ABCB4: variants seen among roughly 807,000 people sequenced by gnomAD.
ABCB4 encodes phosphatidylcholine translocator ABCB4.
In ABCB4, 76 loss-of-function variants were observed where a neutral mutation model predicts 145.7. The ratio of observed to expected loss-of-function variants is 0.52; its 90% CI spans 0.43 to 0.63. The LOEUF is 0.63. Among genes scored for constraint, ABCB4 ranks in the 30% least tolerant of loss-of-function variants. The pLI, the probability that ABCB4 is intolerant of heterozygous loss-of-function variation, is 0.00. For missense variants in ABCB4, 1,234 were observed against 1,553.1 expected (o/e 0.79, Z 3.45); for synonymous variants, 517 against 566.8 (o/e 0.91, Z 1.25).
chr7:87,401,247 G>T (rs879314859), downstream of ABCB4, among the ~76,000 whole-genome samples: 40 of 152,168 alleles, frequency 2.6e-4, no homozygotes, highest in Admixed American at 2.5e-3. Context: ...CTGATAGAGC[G>T]CTAAGAACTA....
rs1182767421 is a variant in ABCB4 at position 87,440,361 on chromosome 7, G to A, written c.1398C>T (p.Asn466=). ...CCACACCAATGATTTCCCTCAGATA[G>A]TTTACATTAAAGTTCCTAATATCCT... ...DGQDIRNFNV[N]YLREIIGVVS... Residue 466 remains asparagine, a synonymous_variant, in exon 13 of 28, where the codon AAC becomes AAT. Coordinates refer to ENST00000649586, the MANE Select transcript of ABCB4 (RefSeq NM_000443.4). 1 of 1,614,096 alleles carries A rather than the reference G, an allele frequency of 6.2e-7. No individual in the cohort carries two copies. Among genetic ancestry groups the A allele is most frequent in the South Asian group, 1.1e-5 (1 of 91,084 alleles).
In ABCB4 at chr7:87,417,500, A is replaced by G. The variant is rs770958334; in HGVS notation, c.2494T>C (p.Leu832=). ...GCTATATTCTGTGCAATTAAAGCCA[A>G]CCTGGTTCCTGTGGCCTGGGAGAGA... ...AQVQGATGTR[L]ALIAQNIANL... The change falls in exon 21 of 28, where the codon TTG becomes CTG. Residue 832 remains leucine (L), a synonymous_variant. Coordinates refer to ENST00000649586, the MANE Select transcript of ABCB4 (RefSeq NM_000443.4). 7 of 1,614,018 alleles carry G rather than the reference A, an allele frequency of 4.3e-6. No individual in the cohort carries two copies. Among genetic ancestry groups the G allele is most frequent in the Non-Finnish European group, 5.1e-6 (6 of 1,180,004 alleles).
intron 14 of ABCB4, among the ~76,000 whole-genome samples, chr7:87,436,841 C>G (rs1410785036): frequency 6.6e-6 from 1 of 152,118 alleles, no homozygotes; most frequent in African/African-American, 2.4e-5. Flanking sequence ...TATCCTGTCC[C>G]TGCACCGCCA....
At chr7:87,441,655 T>C (rs1210841195) in intron 12 of ABCB4, among the ~76,000 whole-genome samples, 8 of 152,096 alleles carry the variant, frequency 5.3e-5, no homozygotes, top group Non-Finnish European at 1.0e-4. Context: ...GGTGCAACCA[T>C]TGGTGCAACA....
At chr7:87,406,241 G>C (rs184174281) in intron 26 of ABCB4, 47 bp downstream of exon 26, 1 of 1,573,500 alleles carries the variant, frequency 6.4e-7, no homozygotes, top group East Asian at 2.2e-5. Flanking sequence ...TAATTGTTTG[G>C]GGGATAAAAA....
At chr7:87,379,473 A>G in the ABCB4 span, among the ~76,000 whole-genome samples, 1 of 152,318 alleles carries the variant, frequency 6.6e-6, no homozygotes, top group South Asian at 2.1e-4. Flanking sequence ...TCCGTCCCTC[A>G]TCCCCAAGAC....
chr7:87,436,325 A>G (rs1039521331), intron 14 of ABCB4, among the ~76,000 whole-genome samples: 8 of 151,686 alleles, frequency 5.3e-5, no homozygotes, highest in Admixed American at 5.3e-4. Context: ...TCAGCTACAA[A>G]AAAAAAAAAA....
chr7:87,438,819 C>CATAAAAGGGA (rs1358215095), intron 14 of ABCB4, among the ~76,000 whole-genome samples: 1 of 152,038 alleles, frequency 6.6e-6, no homozygotes, highest in African/African-American at 2.4e-5. Flanking sequence ...CAGTTTACAG[C>CATAAAAGGGA]ATAAAAGGGA....
At chr7:87,395,373 T>A in the ABCB4 span, among the ~76,000 whole-genome samples, 1 of 152,200 alleles carries the variant, frequency 6.6e-6, no homozygotes, top group Non-Finnish European at 1.5e-5. Context: ...GACTCAAATG[T>A]TAATCTCCTT....
At position 87,403,217 on chromosome 7, in the gene ABCB4, G is replaced by A; in HGVS notation, c.3551C>T (p.Ala1184Val). Residue 1184 changes from alanine to valine, a missense_variant, in exon 27 of 28, where the codon GCT becomes GTT. Ala to Val is a moderately conservative substitution (Grantham distance 64). Coordinates refer to ENST00000649586, the MANE Select transcript of ABCB4 (RefSeq NM_000443.4). ...QLSGGQKQRI[A>V]IARALIRQPQ... ...TTGTCTGATGAGGGCTCGGGCAATA[G>A]CAATCCTCTGTTTTTGACCTCCTGA... is the stretch of plus-strand genomic sequence containing the variant. 1 of 1,613,904 alleles carries A rather than the reference G, an allele frequency of 6.2e-7. No homozygotes were observed. Among genetic ancestry groups the A allele is most frequent in the South Asian group, 1.1e-5 (1 of 91,074 alleles).
chr7:87,378,443 T>C, the ABCB4 span, among the ~76,000 whole-genome samples: 1 of 152,040 alleles, frequency 6.6e-6, no homozygotes, highest in Non-Finnish European at 1.5e-5. Flanking sequence ...TAAGAAGATA[T>C]TTGTTGGCAA....
chr7:87,406,207 A>G, intron 26 of ABCB4, 81 bp downstream of exon 26: 1 of 1,412,926 alleles, frequency 7.1e-7, no homozygotes, highest in Non-Finnish European at 1.0e-6. Context: ...ATTTTGTTAC[A>G]AGATTTTGTT....
At chr7:87,470,392 G>A (rs909422389) in intron 3 of ABCB4, among the ~76,000 whole-genome samples, 6 of 152,194 alleles carry the variant, frequency 3.9e-5, no homozygotes, top group Non-Finnish European at 7.3e-5. Flanking sequence ...AAACTAAAGA[G>A]CTTCTGCACA....
At position 87,462,869 on chromosome 7, in the gene ABCB4, G is replaced by A. The variant is rs2302387; in HGVS notation, c.175C>T (p.Leu59=). The change falls in exon 4 of 28, where the codon CTG becomes TTG. Residue 59 remains leucine, a synonymous_variant. Transcript: ENST00000649586. ...SDWQDKLFMS[L]GTIMAIAHGS... is the part of the protein sequence containing the mutation. ...TGAGCTATGGCCATGATGGTACCCA[G>A]CGACATAAACAATTTATCCTGCCAA... The A allele has an allele frequency of 0.16, 257,174 of 1,612,594 alleles. 24,223 individuals carry two copies. Among genetic ancestry groups the A allele is most frequent in the African/African-American group, 0.45 (33,302 of 74,808 alleles).
chr7:87,402,670 T>C (rs1807877392), intron 27 of ABCB4, among the ~76,000 whole-genome samples: 1 of 152,206 alleles, frequency 6.6e-6, no homozygotes. Flanking sequence ...ATATAATCAT[T>C]TTAGAAAATT....
At chr7:87,408,856 T>C (rs1053702433) in intron 24 of ABCB4, among the ~76,000 whole-genome samples, 2 of 152,236 alleles carry the variant, frequency 1.3e-5, no homozygotes, top group African/African-American at 2.4e-5. Context: ...ACTCTCATTG[T>C]GAACGAACTG....
the ABCB4 span, chr7:87,393,010 T>C: frequency 6.2e-7 from 1 of 1,613,474 alleles, no homozygotes; most frequent in Non-Finnish European, 8.5e-7. Flanking sequence ...GTCCAGGGAG[T>C]GGTAGTTCCC....
At position 87,475,601 on chromosome 7, in the gene ABCB4, C is replaced by T; in HGVS notation, c.-7+33G>A. The T allele has an allele frequency of 4.5e-6, 4 of 890,106 alleles. No homozygotes were observed. The South Asian group carries it at 5.7e-5, about 13-fold the overall frequency. The allele number at this position is 890,106 out of a possible 1,614,324, so 55.1% of individuals were successfully genotyped here. On this transcript the variant is annotated intron_variant, in intron 1 of 27. Transcript: ENST00000649586. ...CCCGCGCCCCACGTCCCGGGTCTCC[C>T]TTCGAGGCCAGACGCGCCCGGACCT...
downstream of ABCB4, chr7:87,398,557 T>A (rs767315280): frequency 7.4e-6 from 12 of 1,613,866 alleles, no homozygotes; most frequent in South Asian, 1.3e-4. Context: ...GGAAATCCTG[T>A]CCCGAGACTG....
Sources: gnomAD v4.1 joint callset for allele counts (sites outside exome capture counted in the v4.1 genomes callset) on GRCh38, gnomAD v4.1.1 for gene constraint, MANE v1.5 for transcripts, NCBI Gene and HGNC (gene_info 2026-07-23, HGNC 2026-07-21) for gene names.